Variants in FAM219B observed in about 807,000 individuals in gnomAD.
FAM219B encodes the protein protein FAM219B.
FAM219B carries 18 observed loss-of-function variants against 19.9 expected under a neutral mutation model. The observed-to-expected ratio is 0.91, with a 90% CI of 0.63 to 1.34. The LOEUF (loss-of-function observed/expected upper bound fraction) is 1.34, where lower values mean the gene tolerates loss of function less well. Ranked by LOEUF, FAM219B falls within the 40% of genes most tolerant of loss-of-function variation. The pLI, the probability that FAM219B is intolerant of heterozygous loss-of-function variation, is 0.00. For synonymous variants in FAM219B, 123 were observed against 117.5 expected, an observed-to-expected ratio of 1.05 and a Z score of -0.30; for missense variants, 283 against 270.5, an observed-to-expected ratio of 1.05 and a Z score of -0.32.
At position 74,906,290 on chromosome 15, in the gene FAM219B, G is replaced by A. The variant is rs2065188007; in HGVS notation, c.290C>T (p.Ser97Phe). 4 of 1,613,558 alleles carry A rather than the reference G, an allele frequency of 2.5e-6. No individual in the cohort carries two copies. In the East Asian group the frequency reaches 8.9e-5, roughly 36 times the overall value. ...MLGASPNRPD[S>F]SGKRSVKFNK... ...CGCCTGCTGAGACCTTTTCCCTGAA[G>A]AGTCTGGGCGGTTCGGCGAGGCCCC... The change falls in exon 2 of 5, where the codon TCT (serine) becomes TTT (phenylalanine). Residue 97 changes from serine to phenylalanine, a missense_variant. Coordinates refer to ENST00000357635, the MANE Select transcript of FAM219B (RefSeq NM_020447.5).
intron 2 of FAM219B, 167 bp downstream of exon 2, chr15:74,906,111 A>C: frequency 1.4e-6 from 1 of 701,544 alleles, no homozygotes; most frequent in Non-Finnish European, 2.3e-6. Flanking sequence ...CACATCCTTA[A>C]AGGAAAAGAG....
In FAM219B at chr15:74,901,698, A is replaced by G. The variant is rs2064964548; in HGVS notation, c.*921T>C. The G allele has an allele frequency of 6.4e-6, 1 of 157,474 alleles. No individual in the cohort carries two copies. Among genetic ancestry groups the G allele is most frequent in the Admixed American group, 6.5e-5 (1 of 15,404 alleles). 9.8% of individuals were successfully genotyped at this position (157,474 alleles called of 1,614,324 possible). On this transcript the variant is annotated 3_prime_UTR_variant, in exon 5 of 5. Coordinates refer to ENST00000357635, the MANE Select transcript of FAM219B (RefSeq NM_020447.5). ...GCTGTATACCCACTCTCACGAGTCCATTGCTACTTCTCAAAAGTTTAAAAA... is the reference window on the plus strand; with the variant it reads ...GCTGTATACCCACTCTCACGAGTCCGTTGCTACTTCTCAAAAGTTTAAAAA...
At chr15:74,898,910 C>T (rs987622459), downstream of FAM219B, 2 of 152,306 alleles carry the variant, frequency 1.3e-5, no homozygotes, top group Non-Finnish European at 2.9e-5. Flanking sequence ...TCTGGCCATA[C>T]CTGTTCATTT....
intron 2 of FAM219B, 57 bp downstream of exon 2, chr15:74,906,221 G>A (rs2141253889): frequency 1.1e-5 from 17 of 1,575,956 alleles, no homozygotes; most frequent in Non-Finnish European, 1.5e-5. Context: ...CCTCCGTCCT[G>A]GGGATTAAAG....
In FAM219B at chr15:74,905,201, A is replaced by C. The variant is rs1342810565; in HGVS notation, c.333T>G (p.Ala111=). ...GGTTTTCATCTGGACTCTGGCTAAGAGCAGTATAGCCCTTGTTAAACTTCA... is the reference window on the plus strand; with the variant it reads ...GGTTTTCATCTGGACTCTGGCTAAGCGCAGTATAGCCCTTGTTAAACTTCA... ...RSVKFNKGYT[A]LSQSPDENLV... is the part of the protein sequence containing the mutation. Residue 111 remains alanine (A), a synonymous_variant, in exon 3 of 5, where the codon GCT becomes GCG. Transcript: ENST00000357635. 6.2e-7 allele frequency: 1 copy of C among 1,614,062 alleles called. No homozygotes were observed. Among genetic ancestry groups the C allele is most frequent in the East Asian group, 2.2e-5 (1 of 44,872 alleles).
intron 3 of FAM219B, 152 bp downstream of exon 3, chr15:74,905,002 C>T: frequency 1.3e-6 from 2 of 1,545,998 alleles, no homozygotes; most frequent in Non-Finnish European, 1.7e-6. Context: ...TCTAACCAAG[C>T]CATCCTGGGA....
At chr15:74,906,566 C>G in intron 1 of FAM219B, 21 bp downstream of exon 1, 1 of 1,491,302 alleles carries the variant, frequency 6.7e-7, no homozygotes, top group Non-Finnish European at 8.9e-7. Context: ...AAACCTCCCC[C>G]GACCATCGGG....
intron 4 of FAM219B, among the ~76,000 whole-genome samples, chr15:74,904,420 T>C (rs963781331): frequency 6.6e-5 from 10 of 152,206 alleles, no homozygotes; most frequent in Non-Finnish European, 1.2e-4. Context: ...TGTACCACCA[T>C]GCCCAGCTTA....
chr15:74,904,062 G>A (rs2065086363), intron 4 of FAM219B, among the ~76,000 whole-genome samples: 1 of 152,170 alleles, frequency 6.6e-6, no homozygotes. Flanking sequence ...GTGTGACACT[G>A]GAAAGCAGGT....
Position 74,904,877 on chromosome 15 carries a change from T to C in FAM219B, c.381-165A>G, listed in dbSNP as rs962653126. ...CCTTGAATAATACTGGTTCCCTCAA[T>C]TGGTTCTGGCAGGGACAGGGTCACT... On this transcript the variant is annotated intron_variant, in intron 3 of 4. Coordinates refer to ENST00000357635, the MANE Select transcript of FAM219B (RefSeq NM_020447.5). 30 of 1,424,272 alleles carry C rather than the reference T, an allele frequency of 2.1e-5. No homozygotes were observed. The African/African-American group carries it at 2.7e-4, about 13-fold the overall frequency. 88.2% of individuals were successfully genotyped at this position (1,424,272 alleles called of 1,614,324 possible).
intron 4 of FAM219B, among the ~76,000 whole-genome samples, chr15:74,903,277 TGTTG>T (rs945303667): frequency 5.9e-5 from 9 of 152,062 alleles, no homozygotes; most frequent in East Asian, 3.9e-4. Context: ...AAGTGGAATT[TGTTG>T]GTTGGTTTCA....
intron 4 of FAM219B, among the ~76,000 whole-genome samples, chr15:74,903,673 C>T (rs907227444): frequency 8.5e-4 from 57 of 66,818 alleles, no homozygotes; most frequent in Middle Eastern, 8.2e-3. Context: ...CTTCCTCTTA[C>T]ACACAATCTT....
chr15:74,904,809 T>C (rs1054125273), intron 3 of FAM219B, 97 bp from the exon 4 acceptor site: 28 of 1,544,904 alleles, frequency 1.8e-5, no homozygotes, highest in African/African-American at 1.8e-4. Context: ...TGGAAGACTT[T>C]TGAAGCAAAG....
In FAM219B at chr15:74,906,780, G is replaced by A. The variant is rs1158038712; in HGVS notation, c.21C>T (p.Ser7=). 3.1e-6 allele frequency: 4 copies of A among 1,287,926 alleles called. No homozygotes were observed. The highest frequency in any genetic ancestry group is 3.9e-6 in the Non-Finnish European group (4 of 1,018,090). 79.8% of individuals were successfully genotyped at this position (1,287,926 alleles called of 1,614,324 possible). A position where few individuals can be genotyped will look rare whatever the true frequency, so the allele number is the denominator to read the frequency against. Residue 7 remains serine (S), a synonymous_variant, in exon 1 of 5, where the codon AGC becomes AGT. Transcript: ENST00000357635. ...GGGTAGACAACCGCAACGCGCGCCC[G>A]CTGGGCTCCGCGGTCGCCATGGCCG... MATAEP[S]GRALRLSTPG...
At position 74,906,836 on chromosome 15, in the gene FAM219B, C is replaced by T. The variant is rs897924244; in HGVS notation, c.-36G>A. 8 of 1,241,016 alleles carry T rather than the reference C, an allele frequency of 6.4e-6. No individual in the cohort carries two copies. Among genetic ancestry groups the T allele is most frequent in the Middle Eastern group, 3.0e-4 (1 of 3,288 alleles). The allele number at this position is 1,241,016 out of a possible 1,614,324, so 76.9% of individuals were successfully genotyped here. On this transcript the variant is annotated 5_prime_UTR_variant, in exon 1 of 5. Coordinates refer to ENST00000357635, the MANE Select transcript of FAM219B (RefSeq NM_020447.5). ...CGCCCTGCCGGATGGTGCAACCCCG[C>T]CCGTGGCGAAAGAGTGACCGGCCGA...
chr15:74,904,121 G>A (rs1336935537), intron 4 of FAM219B, among the ~76,000 whole-genome samples: 1 of 152,160 alleles, frequency 6.6e-6, no homozygotes, highest in East Asian at 1.9e-4. Context: ...TTCTCTAACA[G>A]CTACTCAAAG....
In FAM219B at chr15:74,901,927, C is replaced by T. The variant is rs1267656799; in HGVS notation, c.*692G>A. 2 of 395,540 alleles carry T rather than the reference C, an allele frequency of 5.1e-6. No homozygotes were observed. The highest frequency in any genetic ancestry group is 4.1e-5 in the African/African-American group (2 of 48,598). 24.5% of individuals were successfully genotyped at this position (395,540 alleles called of 1,614,324 possible). A position where few individuals can be genotyped will look rare whatever the true frequency, so the allele number is the denominator to read the frequency against. On this transcript the variant is annotated 3_prime_UTR_variant, in exon 5 of 5. Coordinates refer to ENST00000357635, the MANE Select transcript of FAM219B (RefSeq NM_020447.5). ...CAGTTTTTCTCTAACTAGGGAAGGGCAAACCAGAATCACTAAACTCACCCG... is the reference window on the plus strand; with the variant it reads ...CAGTTTTTCTCTAACTAGGGAAGGGTAAACCAGAATCACTAAACTCACCCG...
chr15:74,904,441 G>C (rs1202559377), intron 4 of FAM219B, among the ~76,000 whole-genome samples: 1 of 152,162 alleles, frequency 6.6e-6, no homozygotes. Context: ...CATGACTTCT[G>C]AGATCATTTC....
At chr15:74,904,976 G>C in intron 3 of FAM219B, 178 bp downstream of exon 3, 1 of 1,539,238 alleles carries the variant, frequency 6.5e-7, no homozygotes, top group Non-Finnish European at 8.7e-7. Flanking sequence ...AGAGCAGCAC[G>C]ATTACCTATG....
Sources: gnomAD v4.1 joint callset for allele counts (sites outside exome capture counted in the v4.1 genomes callset) on GRCh38, gnomAD v4.1.1 for gene constraint, MANE v1.5 for transcripts, NCBI Gene and HGNC (gene_info 2026-07-23, HGNC 2026-07-21) for gene names.